Variants in SPATA13 observed in about 807,000 individuals in gnomAD.
SPATA13 encodes spermatogenesis-associated protein 13.
A neutral mutation model predicts 104.0 loss-of-function variants in SPATA13; 50 were observed. The ratio of observed to expected loss-of-function variants is 0.48; its 90% confidence interval spans 0.38 to 0.61. The LOEUF (loss-of-function observed/expected upper bound fraction) is 0.61. Among genes scored for constraint, SPATA13 ranks in the 20% least tolerant of loss-of-function variants. The probability of loss-of-function intolerance (pLI) is 0.00; values close to 1 mark genes in which losing one functional copy is unlikely to be tolerated. For missense variants in SPATA13, 1,524 were observed against 1,690.6 expected, an observed-to-expected ratio of 0.90 and a Z score of 1.73; for synonymous variants, 606 against 667.5, an observed-to-expected ratio of 0.91 and a Z score of 1.42.
intron 1 of SPATA13, among the ~76,000 whole-genome samples, chr13:24,166,820 T>A (rs1318630535): frequency 6.6e-6 from 1 of 152,246 alleles, no homozygotes; most frequent in Non-Finnish European, 1.5e-5. Flanking sequence ...TAATCCTCTT[T>A]TATGAGGGCA....
chr13:24,024,973 C>T (rs1877146862), intron 3 of SPATA13, among the ~76,000 whole-genome samples: 1 of 149,452 alleles, frequency 6.7e-6, no homozygotes, highest in African/African-American at 2.4e-5. Flanking sequence ...TATATAAACA[C>T]AGATGAAGCA....
rs1382975442 is a variant in SPATA13, at chr13:24,161,324, T to C, written c.-112+392T>C. ...TGGGGGTGGCAGAGTCTGGGGAGCCTGGCGCGGCGGAGCCCTGTAACGCTC... is the reference window on the plus strand; with the variant it reads ...TGGGGGTGGCAGAGTCTGGGGAGCCCGGCGCGGCGGAGCCCTGTAACGCTC... On this transcript the variant is annotated intron_variant, in intron 1 of 12. Coordinates refer to ENST00000382108, the MANE Select transcript of SPATA13 (RefSeq NM_001166271.3). This position sits in a 1 kb window ranked among gnomAD's most constrained non-coding sequence, Gnocchi z 4.5. Among the ~76,000 whole-genome samples, 1 of 152,152 alleles carries C rather than the reference T, an allele frequency of 6.6e-6. No homozygotes were observed. The highest frequency in any genetic ancestry group is 1.5e-5 in the Non-Finnish European group (1 of 68,012).
At chr13:24,265,427 G>A (rs1355300900) in intron 4 of SPATA13, among the ~76,000 whole-genome samples, 1 of 151,050 alleles carries the variant, frequency 6.6e-6, no homozygotes, top group East Asian at 1.9e-4. Flanking sequence ...CTCGGCACTC[G>A]ATGATTTAGG....
chr13:24,178,680 T>G (rs1868597353), intron 1 of SPATA13, among the ~76,000 whole-genome samples: 1 of 152,230 alleles, frequency 6.6e-6, no homozygotes, highest in Non-Finnish European at 1.5e-5. Flanking sequence ...CATTTTGTAC[T>G]GTGCCATTTC....
intron 3 of SPATA13, among the ~76,000 whole-genome samples, chr13:24,109,626 C>T (rs1442490502): frequency 6.6e-6 from 1 of 152,102 alleles, no homozygotes; most frequent in Non-Finnish European, 1.5e-5. Flanking sequence ...GGGGTTTTCT[C>T]CTTGTCCTGA....
At chr13:24,103,285 T>C (rs113127899) in intron 3 of SPATA13, among the ~76,000 whole-genome samples, 2,420 of 152,148 alleles carry the variant, frequency 0.016, 63 homozygotes, top group African/African-American at 0.056. Context: ...CTTTACACAC[T>C]TATAATTTGA....
At chr13:24,125,441 C>G (rs1458181544) in intron 3 of SPATA13, among the ~76,000 whole-genome samples, 1 of 152,120 alleles carries the variant, frequency 6.6e-6, no homozygotes, top group Non-Finnish European at 1.5e-5. Flanking sequence ...AGGGTATGTA[C>G]TGCAGGTTTC....
At chr13:24,191,065 C>G (rs1322515600) in intron 1 of SPATA13, among the ~76,000 whole-genome samples, 1 of 152,144 alleles carries the variant, frequency 6.6e-6, no homozygotes. Context: ...AAGATTAGGA[C>G]TTGCTGAATG....
intron 1 of SPATA13, chr13:24,162,562 T>C (rs747546828): frequency 6.4e-6 from 1 of 155,534 alleles, no homozygotes; most frequent in Non-Finnish European, 1.5e-5. Context: ...TTCTGACTGA[T>C]TGTTTTCTTA....
intron 3 of SPATA13, among the ~76,000 whole-genome samples, chr13:24,080,570 G>A (rs190056788): frequency 2.6e-5 from 4 of 152,312 alleles, no homozygotes; most frequent in Admixed American, 1.3e-4. Flanking sequence ...GCTGGACTCT[G>A]GGACCCATTA....
chr13:24,256,159 C>G (rs1873778459), intron 4 of SPATA13, among the ~76,000 whole-genome samples: 1 of 152,146 alleles, frequency 6.6e-6, no homozygotes, highest in African/African-American at 2.4e-5. Context: ...GTAGTATCAA[C>G]TTTTAAATAA....
At position 24,290,853 on chromosome 13, in the gene SPATA13, G is replaced by C. The variant is rs1408679634; in HGVS notation, c.3049G>C (p.Glu1017Gln). ...CTGCAAATACCCGCTGCAGCTGGCC[G>C]AGCTGCTCAAGTATACCACACAGGA... ...KICKYPLQLA[E>Q]LLKYTTQEHG... Residue 1017 changes from glutamate (E) to glutamine (Q), a missense_variant, in exon 9 of 13, where the codon GAG (glutamate) becomes CAG (glutamine). Physicochemically the swap from Glu to Gln is conservative, Grantham distance 29. Around this residue, in one of 2 missense-constraint regions of SPATA13, gnomAD observed 435 missense variants for 554.8 expected, o/e 0.78. Coordinates refer to ENST00000382108, the MANE Select transcript of SPATA13 (RefSeq NM_001166271.3). 1 of 1,614,074 alleles carries C rather than the reference G, an allele frequency of 6.2e-7. No individual in the cohort carries two copies. The highest frequency in any genetic ancestry group is 8.5e-7 in the Non-Finnish European group (1 of 1,179,980).
At chr13:24,045,924 C>T (rs563073015) in intron 3 of SPATA13, among the ~76,000 whole-genome samples, 31 of 152,298 alleles carry the variant, frequency 2.0e-4, no homozygotes, top group African/African-American at 7.0e-4. Flanking sequence ...ATAGTACCCA[C>T]CTCAATGGGC....
intron 2 of SPATA13, among the ~76,000 whole-genome samples, chr13:24,244,008 G>T (rs145724860): frequency 5.3e-4 from 81 of 152,322 alleles, no homozygotes; most frequent in African/African-American, 1.8e-3. Context: ...CTGGAGGCCA[G>T]AAGTTTGAGA....
chr13:24,014,753 T>G (rs535577085), intron 2 of SPATA13, among the ~76,000 whole-genome samples: 1 of 152,288 alleles, frequency 6.6e-6, no homozygotes, highest in East Asian at 1.9e-4. Context: ...AAATCCTGAT[T>G]TCAATTGTGA....
At chr13:24,178,917 C>T (rs1868612967) in intron 1 of SPATA13, among the ~76,000 whole-genome samples, 1 of 152,314 alleles carries the variant, frequency 6.6e-6, no homozygotes, top group South Asian at 2.1e-4. Flanking sequence ...AAACCCTGGA[C>T]CCATTAGCAG....
chr13:24,284,396 A>G (rs1165331372), intron 5 of SPATA13, 125 bp downstream of exon 5: 29 of 1,074,820 alleles, frequency 2.7e-5, no homozygotes, highest in Non-Finnish European at 3.5e-5. Context: ...AACTCTGATT[A>G]AAACAACACT....
At chr13:24,211,323 T>A (rs1870999726) in intron 1 of SPATA13, among the ~76,000 whole-genome samples, 1 of 152,186 alleles carries the variant, frequency 6.6e-6, no homozygotes, top group Admixed American at 6.5e-5. Context: ...GACATCCTTA[T>A]CTTATTTCTG....
intron 3 of SPATA13, among the ~76,000 whole-genome samples, chr13:24,149,577 T>C (rs1239485624): frequency 6.6e-6 from 1 of 152,222 alleles, no homozygotes; most frequent in Non-Finnish European, 1.5e-5. Context: ...GAATCAGAGA[T>C]GCCCTGAGGC....
Sources: gnomAD v4.1 joint callset for allele counts (sites outside exome capture counted in the v4.1 genomes callset) on GRCh38, gnomAD v4.1.1 for gene constraint, gnomAD v4.1.1 regional missense constraint, Gnocchi (gnomAD v3.1) non-coding constraint, MANE v1.5 for transcripts, NCBI Gene and HGNC (gene_info 2026-07-23, HGNC 2026-07-21) for gene names.